Variants in TRDN observed in about 807,000 individuals in gnomAD.
TRDN encodes the protein triadin in skeletal muscle.
A neutral mutation model predicts 149.7 loss-of-function variants in TRDN; 161 were observed. That is an observed-to-expected ratio of 1.08 (90% CI 0.95 to 1.23). The LOEUF (loss-of-function observed/expected upper bound fraction) is 1.23, where lower values mean the gene tolerates loss of function less well. Among genes scored for constraint, TRDN ranks in the 50% most tolerant of loss-of-function variants. The pLI, the probability that TRDN is intolerant of heterozygous loss-of-function variation, is 0.00. For missense variants in TRDN, 896 were observed against 823.5 expected, an observed-to-expected ratio of 1.09 and a Z score of -1.08; for synonymous variants, 294 against 250.5, an observed-to-expected ratio of 1.17 and a Z score of -1.64.
chr6:123,560,576 A>T (rs1397254984), intron 2 of TRDN, among the ~76,000 whole-genome samples: 1 of 152,208 alleles, frequency 6.6e-6, no homozygotes, highest in Non-Finnish European at 1.5e-5. Flanking sequence ...GCAGCCATCA[A>T]AAGGGCTCAG....
intron 2 of TRDN, among the ~76,000 whole-genome samples, chr6:123,551,145 A>G (rs1781361133): frequency 6.8e-6 from 1 of 147,568 alleles, no homozygotes; most frequent in African/African-American, 2.5e-5. Flanking sequence ...ATAAAATCCA[A>G]CAAAATTGGG....
intron 26 of TRDN, among the ~76,000 whole-genome samples, chr6:123,277,562 T>A (rs1213474949): frequency 6.6e-6 from 1 of 151,926 alleles, no homozygotes. Context: ...AGGAGAAGGG[T>A]TTACAGAGCT....
intron 35 of TRDN, among the ~76,000 whole-genome samples, chr6:123,256,399 T>C (rs1198094449): frequency 1.3e-5 from 2 of 152,132 alleles, no homozygotes; most frequent in Admixed American, 6.6e-5. Context: ...TCTAGATCCT[T>C]GAGGAATCGC....
chr6:123,339,315 T>G (rs1403205926), intron 21 of TRDN, among the ~76,000 whole-genome samples: 1 of 152,042 alleles, frequency 6.6e-6, no homozygotes. Context: ...ATGTATTAGG[T>G]TTTTTTGTTT....
chr6:123,441,393 T>C (rs140982882), intron 10 of TRDN, among the ~76,000 whole-genome samples: 1 of 152,288 alleles, frequency 6.6e-6, no homozygotes, highest in East Asian at 1.9e-4. Context: ...AGAGAAGAAT[T>C]AGAGCATTTA....
At chr6:123,607,548 GT>G (rs1317735347) in intron 1 of TRDN, among the ~76,000 whole-genome samples, 2 of 152,108 alleles carry the variant, frequency 1.3e-5, no homozygotes, top group Non-Finnish European at 2.9e-5. Context: ...TTGGATAAAG[GT>G]TGTAGTCTCT....
intron 1 of TRDN, among the ~76,000 whole-genome samples, chr6:123,623,243 C>A (rs534056889): frequency 6.6e-6 from 1 of 151,804 alleles, no homozygotes. Context: ...ATTGGAGAAG[C>A]AAAATGACCT....
At chr6:123,409,642 C>T (rs906791146) in intron 12 of TRDN, among the ~76,000 whole-genome samples, 1 of 152,022 alleles carries the variant, frequency 6.6e-6, no homozygotes, top group Non-Finnish European at 1.5e-5. Context: ...ATGACATTCA[C>T]TTCACAAAAT....
At chr6:123,284,543 C>T (rs9388207) in intron 24 of TRDN, among the ~76,000 whole-genome samples, 27,648 of 151,936 alleles carry the variant, frequency 0.18, 3,157 homozygotes, top group East Asian at 0.54. Context: ...CTACCACAAA[C>T]CCACAGCCAG....
chr6:123,252,311 C>T, intron 38 of TRDN, 101 bp downstream of exon 38: 1 of 632,476 alleles, frequency 1.6e-6, no homozygotes, highest in Non-Finnish European at 2.5e-6. Context: ...TTAGAATAAA[C>T]TATACTGAAC....
intron 23 of TRDN, among the ~76,000 whole-genome samples, chr6:123,319,189 C>T (rs889614570): frequency 1.6e-4 from 24 of 151,670 alleles, no homozygotes; most frequent in Non-Finnish European, 1.5e-5. Flanking sequence ...TGCTCATAAA[C>T]TTAAATTGCA....
At chr6:123,367,243 G>A (rs192780900) in intron 19 of TRDN, among the ~76,000 whole-genome samples, 8 of 152,130 alleles carry the variant, frequency 5.3e-5, no homozygotes, top group Admixed American at 2.6e-4. Flanking sequence ...GAATTTTCAC[G>A]AAGTCTTATT....
intron 1 of TRDN, among the ~76,000 whole-genome samples, chr6:123,624,926 A>T (rs1394073272): frequency 1.3e-5 from 2 of 152,152 alleles, no homozygotes. Context: ...CTTTTATAGT[A>T]TTATAGCAAC....
intron 1 of TRDN, among the ~76,000 whole-genome samples, chr6:123,623,376 C>A (rs575954860): frequency 6.6e-6 from 1 of 152,226 alleles, no homozygotes; most frequent in South Asian, 2.1e-4. Context: ...GAAGCTACCA[C>A]TAGCATCTAT....
In TRDN at chr6:123,337,649, C is replaced by A. The variant is rs1329652193; in HGVS notation, c.1390G>T (p.Gly464Trp). ...VEQEIRKEKS[G>W]KTSSILKDKE... The stretch of plus-strand genomic sequence containing the variant: ...TCTTTCAGAATTGAAGAAGTCTTCC[C>A]AGATTTTTCTTTTCTAATTTCTGCA... The change falls in exon 22 of 41, where the codon GGG becomes TGG. Residue 464 changes from glycine to tryptophan, a missense_variant. Gly to Trp is a radical substitution (Grantham distance 184). Transcript: ENST00000334268. 4.8e-6 allele frequency: 7 copies of A among 1,450,054 alleles called. No homozygotes were observed. Among genetic ancestry groups the A allele is most frequent in the Non-Finnish European group, 6.5e-6 (7 of 1,082,060 alleles). The allele number at this position is 1,450,054 out of a possible 1,614,324, so 89.8% of individuals were successfully genotyped here. A position where few individuals can be genotyped will look rare whatever the true frequency, so the allele number is the denominator to read the frequency against.
intron 1 of TRDN, among the ~76,000 whole-genome samples, chr6:123,594,390 A>G (rs912614950): frequency 1.3e-5 from 2 of 152,118 alleles, no homozygotes; most frequent in Non-Finnish European, 1.5e-5. Context: ...AGACCAAGGC[A>G]CTAACTCTCT....
At chr6:123,516,004 T>C in intron 6 of TRDN, 137 bp downstream of exon 6, 1 of 1,012,922 alleles carries the variant, frequency 9.9e-7, no homozygotes, top group Non-Finnish European at 1.3e-6. Flanking sequence ...AAATTCCTTT[T>C]TTCAGATTCT....
rs188488003 is a variant in TRDN at position 123,347,629 on chromosome 6, T to A, written c.1369+4910A>T. On this transcript the variant is annotated intron_variant, in intron 21 of 40. Transcript: ENST00000334268. ...TTTCATTTTATAATCTAAATTGGAC[T>A]TTCCTGTTGATTGATTGTACTTGCA... Among the ~76,000 whole-genome samples the A allele has an allele frequency of 4.3e-3, 650 of 152,174 alleles. 3 individuals are homozygous for A. Among genetic ancestry groups the A allele is most frequent in the Non-Finnish European group, 6.5e-3 (443 of 67,976 alleles).
rs555965410 is a variant in TRDN at position 123,361,760 on chromosome 6, GT to G, written c.1321+4374del. On this transcript the variant is annotated intron_variant, in intron 20 of 40. Transcript: ENST00000334268. Reference sequence around the variant, plus strand: ...CATGACCATCACCTTCCTATTGGAAGTTTTTTTTTCTGCAGTTACTGAAGTT... The same window carrying G: ...CATGACCATCACCTTCCTATTGGAAGTTTTTTTTCTGCAGTTACTGAAGTT... 9.9e-5 allele frequency among the ~76,000 whole-genome samples: 15 copies of G among 151,210 alleles called. No individual in the cohort carries two copies. The East Asian group carries it at 2.3e-3, about 24-fold the overall frequency.
Sources: allele counts gnomAD v4.1 joint callset (sites outside exome capture counted in the v4.1 genomes callset), GRCh38; gene constraint gnomAD v4.1.1; transcripts MANE v1.5; gene names NCBI Gene and HGNC (gene_info 2026-07-23, HGNC 2026-07-21).